The following HMGCS1 variants were observed in gnomAD, a reference collection of about 807,000 sequenced individuals.
HMGCS1 encodes the protein hydroxymethylglutaryl-CoA synthase, cytoplasmic.
A neutral mutation model predicts 52.3 loss-of-function variants in HMGCS1; 9 were observed. The ratio of observed to expected loss-of-function variants is 0.17; its 90% CI spans 0.10 to 0.30. The LOEUF (loss-of-function observed/expected upper bound fraction) is 0.30. Ranked by LOEUF, HMGCS1 falls within the 10% of genes least tolerant of loss-of-function variation. The probability of loss-of-function intolerance (pLI) is 1.00; values close to 1 mark genes in which losing one functional copy is unlikely to be tolerated. For missense variants in HMGCS1, 320 were observed against 620.9 expected, an observed-to-expected ratio of 0.52 and a Z score of 5.15; for synonymous variants, 176 against 214.4, an observed-to-expected ratio of 0.82 and a Z score of 1.57.
chr5:43,297,936 G>C, intron 4 of HMGCS1, 73 bp downstream of exon 4: 1 of 1,375,892 alleles, frequency 7.3e-7, no homozygotes, highest in East Asian at 2.4e-5. Context: ...GTAAGCGACA[G>C]CTCCTACTTC....
intron 7 of HMGCS1, 119 bp downstream of exon 7, chr5:43,294,572 A>G (rs949215149): frequency 7.9e-6 from 5 of 636,110 alleles, no homozygotes; most frequent in African/African-American, 7.4e-5. Context: ...CAGATTAGAG[A>G]GCCTCAAGAT....
chr5:43,291,218 A>G lies in HMGCS1; in HGVS notation c.1476T>C (p.His492=). The G allele has an allele frequency of 6.2e-7, 1 of 1,606,214 alleles. No individual in the cohort carries two copies. ...GTACTTTCTTGGCAGGGCTTGGAAT[A>G]TGCTAAAATGAAAGGAAAAAAGTTG... ...GLVHSNIATE[H]IPSPAKKVPR... The change falls in exon 11 of 11, where the codon CAT becomes CAC. Residue 492 remains histidine, a splice_region_variant and synonymous_variant. Transcript: ENST00000325110.
At chr5:43,293,158 A>T (rs1753861438) in intron 8 of HMGCS1, among the ~76,000 whole-genome samples, 185 bp from the exon 9 acceptor site, 1 of 152,210 alleles carries the variant, frequency 6.6e-6, no homozygotes, top group African/African-American at 2.4e-5. Flanking sequence ...TCAGACTAGA[A>T]ATCTATTATT....
At chr5:43,310,346 A>C (rs995506163) in intron 1 of HMGCS1, among the ~76,000 whole-genome samples, 1 of 152,198 alleles carries the variant, frequency 6.6e-6, no homozygotes, top group East Asian at 1.9e-4. Context: ...AGGGACCTGC[A>C]CTTCTACAGA....
intron 6 of HMGCS1, among the ~76,000 whole-genome samples, chr5:43,295,407 G>A (rs958996129): frequency 5.3e-5 from 8 of 152,178 alleles, no homozygotes; most frequent in African/African-American, 1.9e-4. Flanking sequence ...GTGGCAGTGT[G>A]CAGGATGGAA....
intron 2 of HMGCS1, among the ~76,000 whole-genome samples, chr5:43,306,227 T>C (rs1214533746): frequency 1.3e-5 from 2 of 152,332 alleles, no homozygotes; most frequent in East Asian, 3.9e-4. Flanking sequence ...TTCTGAATGC[T>C]TCCTGCCTAG....
Position 43,288,559 on chromosome 5 carries a change from CATT to C in HMGCS1, c.*2569_*2571del, listed in dbSNP as rs1447033535. The C allele has an allele frequency of 1.3e-5, 2 of 152,010 alleles. No individual in the cohort carries two copies. The highest frequency in any genetic ancestry group is 4.8e-5 in the African/African-American group (2 of 41,360). The allele number at this position is 152,010 out of a possible 1,614,324, so 9.4% of individuals were successfully genotyped here. The stretch of plus-strand genomic sequence containing the variant: ...GTCTAGTGTCAACCTCAAAGTTACT[CATT>C]AGTATCCATAAAAATAAAAACTTAG... On this transcript the variant is annotated 3_prime_UTR_variant, in exon 11 of 11. Transcript: ENST00000325110.
At chr5:43,309,571 G>A (rs1579671909) in intron 1 of HMGCS1, among the ~76,000 whole-genome samples, 1 of 152,280 alleles carries the variant, frequency 6.6e-6, no homozygotes, top group East Asian at 1.9e-4. Context: ...TTAAATTGGA[G>A]AGGGATGTTA....
At chr5:43,311,519 T>G (rs183644619) in intron 1 of HMGCS1, among the ~76,000 whole-genome samples, 2 of 152,202 alleles carry the variant, frequency 1.3e-5, no homozygotes, top group Non-Finnish European at 1.5e-5. Flanking sequence ...GATTCTGATA[T>G]GTAGCAAAAC....
chr5:43,309,112 A>G (rs1370602785), intron 1 of HMGCS1, among the ~76,000 whole-genome samples: 8 of 152,102 alleles, frequency 5.3e-5, no homozygotes, highest in Non-Finnish European at 1.2e-4. Flanking sequence ...TGTTAAGACT[A>G]CTTAAATAAT....
At position 43,289,073 on chromosome 5, in the gene HMGCS1, T is replaced by C. The variant is rs967158928; in HGVS notation, c.*2058A>G. ...CAGTAACTCATTTCATAAATATTTA[T>C]AGCAAAGTCTATATATGCTTGCCAC... is the stretch of plus-strand genomic sequence containing the variant. On this transcript the variant is annotated 3_prime_UTR_variant, in exon 11 of 11. Coordinates refer to ENST00000325110, the MANE Select transcript of HMGCS1 (RefSeq NM_001098272.3). The C allele has an allele frequency of 1.3e-5, 2 of 152,214 alleles. No homozygotes were observed. The highest frequency in any genetic ancestry group is 4.8e-5 in the African/African-American group (2 of 41,450). The allele number at this position is 152,214 out of a possible 1,614,324, so 9.4% of individuals were successfully genotyped here.
intron 1 of HMGCS1, 70 bp from the exon 2 acceptor site, chr5:43,307,894 C>T (rs1191261631): frequency 1.3e-5 from 2 of 152,118 alleles, no homozygotes; most frequent in South Asian, 2.1e-4. Context: ...CTAATGAATC[C>T]AATTCAAAGT....
chr5:43,307,684 C>T (rs142917583), intron 2 of HMGCS1, 82 bp downstream of exon 2: 4 of 152,220 alleles, frequency 2.6e-5, no homozygotes, highest in South Asian at 2.1e-4. Context: ...ACAAACAAAT[C>T]GTTATTTTCT....
At chr5:43,311,299 G>A (rs1390041326) in intron 1 of HMGCS1, among the ~76,000 whole-genome samples, 8 of 138,228 alleles carry the variant, frequency 5.8e-5, no homozygotes, top group African/African-American at 1.1e-4. Flanking sequence ...CAGCTTGGGC[G>A]ACAGAGCGAG....
At position 43,295,874 on chromosome 5, in the gene HMGCS1, C is replaced by T. The variant is rs956715119; in HGVS notation, c.783G>A (p.Met261Ile). 5 of 1,612,972 alleles carry T rather than the reference C, an allele frequency of 3.1e-6. No homozygotes were observed. The highest frequency in any genetic ancestry group is 4.2e-6 in the Non-Finnish European group (5 of 1,179,180). ...GTTTACAATATGGTGAGTGAAAGAT[C>T]ATGAAGCCAAAATCATTCAAGGTAA... ...KDFTLNDFGF[M>I]IFHSPYCKLV... Residue 261 changes from methionine (M) to isoleucine (I), a missense_variant, in exon 6 of 11, where the codon ATG becomes ATA. Around this residue, in one of 3 missense-constraint regions of HMGCS1, gnomAD observed 213 missense variants for 337.4 expected, o/e 0.63. Transcript: ENST00000325110.
chr5:43,296,784 T>G (rs9292870), intron 5 of HMGCS1, among the ~76,000 whole-genome samples: 7,495 of 152,306 alleles, frequency 0.049, 377 homozygotes, highest in African/African-American at 0.13. Flanking sequence ...CCGACCTAAA[T>G]ATTTTTGCAG....
chr5:43,300,768 C>G (rs1754273739), intron 2 of HMGCS1, among the ~76,000 whole-genome samples: 1 of 148,124 alleles, frequency 6.8e-6, no homozygotes, highest in Admixed American at 6.8e-5. Context: ...GCACTCCAGC[C>G]TGGGTGATGG....
chr5:43,297,286 C>T, intron 4 of HMGCS1, 120 bp from the exon 5 acceptor site: 2 of 815,920 alleles, frequency 2.5e-6, no homozygotes, highest in Non-Finnish European at 3.9e-6. Context: ...TCACCACTTA[C>T]AGTAGAGAAA....
intron 2 of HMGCS1, among the ~76,000 whole-genome samples, chr5:43,303,370 A>G (rs1754412789): frequency 6.6e-6 from 1 of 152,252 alleles, no homozygotes; most frequent in Non-Finnish European, 1.5e-5. Context: ...AGATAAAACG[A>G]GAGCTTGCTC....
Sources: allele counts gnomAD v4.1 joint callset (sites outside exome capture counted in the v4.1 genomes callset), GRCh38; gene constraint gnomAD v4.1.1; regional missense constraint gnomAD v4.1.1; transcripts MANE v1.5; gene names NCBI Gene and HGNC (gene_info 2026-07-23, HGNC 2026-07-21).